The following MOXD1 variants were observed in gnomAD, a reference collection of about 807,000 sequenced individuals.
MOXD1 encodes monooxygenase DBH like 1, also known as DBH-like monooxygenase protein 1.
Under a neutral mutation model 66.6 loss-of-function variants are expected in MOXD1, and 62 were observed. That is an observed-to-expected ratio of 0.93 (90% CI 0.76 to 1.15). The LOEUF (loss-of-function observed/expected upper bound fraction) is 1.15, where lower values mean the gene tolerates loss of function less well. Ranked by LOEUF, MOXD1 falls within the 50% of genes most tolerant of loss-of-function variation. MOXD1 has a pLI of 0.00. For missense variants in MOXD1, 847 were observed against 754.6 expected (o/e 1.12, Z -1.44); for synonymous variants, 303 against 281.9 (o/e 1.07, Z -0.75).
Position 132,316,157 on chromosome 6 carries a change from T to C in MOXD1, c.1366-380A>G, listed in dbSNP as rs17705029. Among the ~76,000 whole-genome samples, 528 of 133,030 alleles carry C rather than the reference T, an allele frequency of 4.0e-3. 3 individuals are homozygous for C. The highest frequency in any genetic ancestry group is 5.4e-3 in the Non-Finnish European group (350 of 65,376). 87.3% of individuals were successfully genotyped at this position (133,030 alleles called of 152,430 possible). A position where few individuals can be genotyped will look rare whatever the true frequency, so the allele number is the denominator to read the frequency against. ...AATCTTGTCTTCATGTGTATAAACA[T>C]TAGCAGCTGCATACGACGGGGAGAA... On this transcript the variant is annotated intron_variant, in intron 9 of 11. Coordinates refer to ENST00000367963, the MANE Select transcript of MOXD1 (RefSeq NM_015529.4).
Position 132,372,991 on chromosome 6 carries a change from T to G in MOXD1, c.418A>C (p.Thr140Pro), listed in dbSNP as rs751463168. The G allele has an allele frequency of 6.2e-7, 1 of 1,612,040 alleles. No individual in the cohort carries two copies. The highest frequency in any genetic ancestry group is 2.2e-5 in the East Asian group (1 of 44,844). The change falls in exon 3 of 12, where the codon ACT (threonine) becomes CCT (proline). Residue 140 changes from threonine (T) to proline (P), a missense_variant. Physicochemically the swap from Thr to Pro is conservative, Grantham distance 38. Transcript: ENST00000367963. ...DINDKSITDS[T>P]VRVIWAYHHE... ...TGGTAGGCCCAGATCACTCTCACAG[T>G]GCTATCCTGGGGATCAGACATGGGC...
intron 10 of MOXD1, among the ~76,000 whole-genome samples, chr6:132,310,887 A>G (rs923251658): frequency 6.6e-6 from 1 of 152,070 alleles, no homozygotes; most frequent in African/African-American, 2.4e-5. Flanking sequence ...AGATGGGCCA[A>G]TAAGTGCAGC....
chr6:132,396,160 A>C (rs1776863616), intron 1 of MOXD1, among the ~76,000 whole-genome samples: 1 of 152,184 alleles, frequency 6.6e-6, no homozygotes. Context: ...AGTCTCAACA[A>C]ATTTTAAAAA....
At chr6:132,356,559 T>C (rs535000587) in intron 4 of MOXD1, among the ~76,000 whole-genome samples, 1 of 152,182 alleles carries the variant, frequency 6.6e-6, no homozygotes, top group Non-Finnish European at 1.5e-5. Context: ...AACGATATAC[T>C]TACAAGAACA....
intron 1 of MOXD1, among the ~76,000 whole-genome samples, chr6:132,384,894 G>A (rs1053017430): frequency 6.6e-6 from 1 of 152,148 alleles, no homozygotes; most frequent in African/African-American, 2.4e-5. Flanking sequence ...CTGTATCTCT[G>A]TATTTCTGTG....
chr6:132,375,041 T>C (rs1776350227), intron 1 of MOXD1: 1 of 546,410 alleles, frequency 1.8e-6, no homozygotes, highest in Non-Finnish European at 3.2e-6. Flanking sequence ...TTTGATACCA[T>C]TGTGTGCCTT....
intron 6 of MOXD1, among the ~76,000 whole-genome samples, chr6:132,325,685 GT>G (rs1193869598): frequency 6.6e-6 from 1 of 152,166 alleles, no homozygotes; most frequent in African/African-American, 2.4e-5. Flanking sequence ...AAGACATAAA[GT>G]TACCTAATCT....
chr6:132,336,929 A>G (rs187505096), intron 4 of MOXD1, among the ~76,000 whole-genome samples: 4 of 152,288 alleles, frequency 2.6e-5, no homozygotes, highest in African/African-American at 9.6e-5. Context: ...ACGACGAAAA[A>G]GAATTCAACC....
chr6:132,384,607 A>G (rs1031512359), intron 1 of MOXD1, among the ~76,000 whole-genome samples: 2 of 152,240 alleles, frequency 1.3e-5, no homozygotes, highest in African/African-American at 4.8e-5. Context: ...CACTGAGGCA[A>G]TGATACTTAG....
intron 10 of MOXD1, among the ~76,000 whole-genome samples, chr6:132,313,869 C>T (rs911362625): frequency 1.2e-4 from 19 of 152,068 alleles, no homozygotes; most frequent in African/African-American, 4.3e-4. Context: ...GAGCTGAGAT[C>T]GCGTCACTGC....
intron 10 of MOXD1, among the ~76,000 whole-genome samples, chr6:132,303,835 G>GTGTATATACA (rs1228249888): frequency 6.3e-5 from 3 of 47,556 alleles, no homozygotes; most frequent in Admixed American, 5.4e-4. Context: ...GTGTGTGTGT[G>GTGTATATACA]TATATATATA....
chr6:132,333,671 T>C (rs148416817), intron 4 of MOXD1, among the ~76,000 whole-genome samples: 59 of 152,242 alleles, frequency 3.9e-4, no homozygotes, highest in African/African-American at 1.3e-3. Context: ...GACACAAACA[T>C]GGAAATTCCC....
chr6:132,297,972 C>G lies in MOXD1; in HGVS notation c.1509-17G>C. ...GGCCAGGTCCTGAATTTAAAAGACA[C>G]AGTTAGTCATATTCAGAACAAATGC... On this transcript the variant is annotated splice_polypyrimidine_tract_variant and intron_variant, in intron 10 of 11. Transcript: ENST00000367963. 2 of 1,596,728 alleles carry G rather than the reference C, an allele frequency of 1.3e-6. No homozygotes were observed. The highest frequency in any genetic ancestry group is 1.7e-6 in the Non-Finnish European group (2 of 1,173,448).
chr6:132,385,026 A>C (rs1052316846), intron 1 of MOXD1, among the ~76,000 whole-genome samples: 1 of 152,206 alleles, frequency 6.6e-6, no homozygotes, highest in Non-Finnish European at 1.5e-5. Flanking sequence ...AGAGGTGGGC[A>C]GGTGTTAGAT....
chr6:132,342,253 G>A (rs559640287), intron 4 of MOXD1, among the ~76,000 whole-genome samples: 2 of 152,194 alleles, frequency 1.3e-5, no homozygotes, highest in African/African-American at 4.8e-5. Flanking sequence ...GCCTGCCTCA[G>A]CCTCCCAAAG....
chr6:132,305,132 G>A (rs1224581994), intron 10 of MOXD1, among the ~76,000 whole-genome samples: 1 of 152,234 alleles, frequency 6.6e-6, no homozygotes, highest in Non-Finnish European at 1.5e-5. Flanking sequence ...GGCGAGGGAA[G>A]GGCAGCATCC....
intron 10 of MOXD1, among the ~76,000 whole-genome samples, chr6:132,298,223 G>A (rs1318183272): frequency 6.6e-6 from 1 of 152,060 alleles, no homozygotes; most frequent in Non-Finnish European, 1.5e-5. Context: ...GTCTTGCTAT[G>A]TTGCCCAGGT....
intron 1 of MOXD1, among the ~76,000 whole-genome samples, chr6:132,386,423 C>CAAA (rs1221040038): frequency 1.3e-5 from 1 of 79,198 alleles, no homozygotes; most frequent in African/African-American, 4.6e-5. Flanking sequence ...CAAAACAAAA[C>CAAA]AAAACAAAAC....
At chr6:132,297,698 T>C (rs1774439709) in intron 11 of MOXD1, 89 bp downstream of exon 11, 1 of 1,441,618 alleles carries the variant, frequency 6.9e-7, no homozygotes, top group Admixed American at 2.4e-5. Flanking sequence ...CCCCTGGATT[T>C]ATGGATATTT....
Sources: allele counts gnomAD v4.1 joint callset (sites outside exome capture counted in the v4.1 genomes callset), GRCh38; gene constraint gnomAD v4.1.1; transcripts MANE v1.5; gene names NCBI Gene and HGNC (gene_info 2026-07-23, HGNC 2026-07-21).